The following ZNF527 variants were observed in gnomAD, a reference collection of about 807,000 sequenced individuals.
ZNF527 encodes zinc finger protein 527.
In ZNF527, 5 loss-of-function variants were observed where a neutral mutation model predicts 13.5. That is an observed-to-expected ratio of 0.37 (90% CI 0.19 to 0.78). ZNF527 has a LOEUF of 0.78. ZNF527 is among the 30% of genes least tolerant of loss of function. The pLI is 0.48. For synonymous variants in ZNF527, 209 were observed against 243.1 expected, an observed-to-expected ratio of 0.86 and a Z score of 1.30; for missense variants, 628 against 726.4, an observed-to-expected ratio of 0.86 and a Z score of 1.56.
intron 2 of ZNF527, among the ~76,000 whole-genome samples, chr19:37,375,470 TC>T (rs1227344845): frequency 6.6e-6 from 1 of 151,390 alleles, no homozygotes; most frequent in Non-Finnish European, 1.5e-5. Flanking sequence ...CAAGCGATTC[TC>T]CTGCCTCAGC....
In ZNF527 at chr19:37,389,410, G is replaced by C. The variant is rs759632113; in HGVS notation, c.1361G>C (p.Arg454Pro). The change falls in exon 5 of 5, where the codon CGC becomes CCC. Residue 454 changes from arginine (R) to proline (P), a missense_variant. By Grantham distance (103) the Arg-to-Pro change is moderately radical. Around this residue, in one of 3 missense-constraint regions of ZNF527, gnomAD observed 592 missense variants for 678.0 expected, o/e 0.87. Coordinates refer to ENST00000436120, the MANE Select transcript of ZNF527 (RefSeq NM_032453.2). ...CSECGKTFGY[R>P]SHLNQHQRIH... Reference sequence around the variant, plus strand: ...GAATGTGGGAAGACCTTTGGCTATCGCTCACACCTGAATCAACATCAGAGA... The same window carrying C: ...GAATGTGGGAAGACCTTTGGCTATCCCTCACACCTGAATCAACATCAGAGA... The C allele has an allele frequency of 1.9e-6, 3 of 1,613,656 alleles. No homozygotes were observed. The Admixed American group carries it at 5.0e-5, about 27-fold the overall frequency.
intron 4 of ZNF527, among the ~76,000 whole-genome samples, chr19:37,382,785 C>A (rs1192287885): frequency 6.6e-6 from 1 of 152,132 alleles, no homozygotes; most frequent in Admixed American, 6.6e-5. Context: ...CGGCTCACTG[C>A]AAGCTCCGCC....
At chr19:37,374,715 G>A (rs1056810737) in intron 2 of ZNF527, among the ~76,000 whole-genome samples, 8 of 152,214 alleles carry the variant, frequency 5.3e-5, no homozygotes, top group African/African-American at 1.9e-4. Context: ...TGAGCACTGT[G>A]ATGTCAGAGG....
intron 4 of ZNF527, among the ~76,000 whole-genome samples, chr19:37,386,086 A>G (rs1340858151): frequency 2.0e-5 from 3 of 147,208 alleles, no homozygotes. Context: ...TTGTTGTATT[A>G]ATGTGGATCT....
chr19:37,382,890 A>G (rs1196635113), intron 4 of ZNF527, among the ~76,000 whole-genome samples: 1 of 152,064 alleles, frequency 6.6e-6, no homozygotes, highest in African/African-American at 2.4e-5. Context: ...TATTTTTAGT[A>G]GAGACAGGGT....
At position 37,389,198 on chromosome 19, in the gene ZNF527, G is replaced by T. The variant is rs1380996410; in HGVS notation, c.1149G>T (p.Glu383Asp). ...AACATCAGAGAATTCACACAGGTGA[G>T]AAACCATATGAATGTAAAGAATGTA... ...LVEHQRIHTG[E>D]KPYECKECNK... The change falls in exon 5 of 5, where the codon GAG becomes GAT. Residue 383 changes from glutamate (E) to aspartate (D), a missense_variant. Glu to Asp is a conservative substitution (Grantham distance 45). Coordinates refer to ENST00000436120, the MANE Select transcript of ZNF527 (RefSeq NM_032453.2). 6.2e-7 allele frequency: 1 copy of T among 1,614,148 alleles called. No individual in the cohort carries two copies.
intron 4 of ZNF527, chr19:37,384,797 A>T: frequency 1.8e-6 from 1 of 570,694 alleles, no homozygotes; most frequent in Non-Finnish European, 3.2e-6. Context: ...CCAGGAATGC[A>T]TTGTCTATAA....
In ZNF527 at chr19:37,392,323, A is replaced by G. The variant is rs185754930; in HGVS notation, c.*2444A>G. 6.6e-6 allele frequency: 1 copy of G among 152,322 alleles called. No homozygotes were observed. Among genetic ancestry groups the G allele is most frequent in the East Asian group, 1.9e-4 (1 of 5,194 alleles). 9.4% of individuals were successfully genotyped at this position (152,322 alleles called of 1,614,324 possible). On this transcript the variant is annotated 3_prime_UTR_variant, in exon 5 of 5. Transcript: ENST00000436120. ...TCAGAAGGTTACAGTAAACTTTACC[A>G]AACTTGAAGAAGAATGACTCAGATC...
chr19:37,380,979 A>T (rs1041309214), intron 4 of ZNF527, among the ~76,000 whole-genome samples: 5 of 152,070 alleles, frequency 3.3e-5, no homozygotes, highest in African/African-American at 1.2e-4. Flanking sequence ...GAAAATAAGG[A>T]GTTAGCACTT....
chr19:37,381,064 T>C (rs910205326), intron 4 of ZNF527, among the ~76,000 whole-genome samples: 1 of 152,196 alleles, frequency 6.6e-6, no homozygotes, highest in Admixed American at 6.5e-5. Flanking sequence ...ATCAATGTCA[T>C]CATTTTGATT....
intron 2 of ZNF527, among the ~76,000 whole-genome samples, chr19:37,375,614 C>T (rs959745337): frequency 2.6e-5 from 4 of 151,966 alleles, no homozygotes; most frequent in African/African-American, 7.3e-5. Context: ...CTGCCTCGGC[C>T]TCCCAAAGTG....
At position 37,389,706 on chromosome 19, in the gene ZNF527, C is replaced by T; in HGVS notation, c.1657C>T (p.Pro553Ser). The T allele has an allele frequency of 1.2e-6, 2 of 1,614,022 alleles. No individual in the cohort carries two copies. The highest frequency in any genetic ancestry group is 8.5e-7 in the Non-Finnish European group (1 of 1,180,022). The change falls in exon 5 of 5, where the codon CCC becomes TCC. Residue 553 changes from proline (P) to serine (S), a missense_variant. This residue lies in a region of ZNF527 where 592 missense variants were observed against 678.0 expected (regional missense o/e 0.87). Coordinates refer to ENST00000436120, the MANE Select transcript of ZNF527 (RefSeq NM_032453.2). ...QHQRIHTGEK[P>S]YECSECGKAF... ...TCAAAGAATTCATACTGGAGAGAAA[C>T]CCTATGAATGTAGTGAATGTGGGAA...
At chr19:37,375,655 G>A (rs1400703136) in intron 2 of ZNF527, among the ~76,000 whole-genome samples, 2 of 151,840 alleles carry the variant, frequency 1.3e-5, no homozygotes, top group African/African-American at 2.4e-5. Context: ...CAGTGTGCCC[G>A]GCTGTCCTTA....
In ZNF527 at chr19:37,388,757, T is replaced by C; in HGVS notation, c.708T>C (p.Asp236=). 6.2e-7 allele frequency: 1 copy of C among 1,612,894 alleles called. No homozygotes were observed. The highest frequency in any genetic ancestry group is 1.3e-5 in the African/African-American group (1 of 74,950). The change falls in exon 5 of 5, where the codon GAT becomes GAC. Residue 236 remains aspartate (D), a synonymous_variant. Transcript: ENST00000436120. ...EFNQSTYLSK[D]IGIPPGEKPY... ...ACCAGAGTACGTACCTTAGTAAAGA[T>C]ATAGGAATTCCTCCTGGGGAGAAAC...
intron 4 of ZNF527, 101 bp from the exon 5 acceptor site, chr19:37,388,205 C>T: frequency 7.3e-7 from 1 of 1,373,530 alleles, no homozygotes; most frequent in Non-Finnish European, 9.9e-7. Flanking sequence ...AGACTTTCTA[C>T]CCTCCTTCCC....
intron 2 of ZNF527, among the ~76,000 whole-genome samples, chr19:37,375,332 T>TTTC (rs1464556208): frequency 2.0e-5 from 3 of 146,514 alleles, no homozygotes; most frequent in Non-Finnish European, 4.5e-5. Context: ...TCTTTCTTTC[T>TTTC]TTCTTTCCTT....
At chr19:37,380,505 C>T in intron 4 of ZNF527, 133 bp downstream of exon 4, 1 of 614,352 alleles carries the variant, frequency 1.6e-6, no homozygotes, top group Non-Finnish European at 2.7e-6. Flanking sequence ...AGAAACCTCA[C>T]CACACCCTGG....
At position 37,380,284 on chromosome 19, in the gene ZNF527, C is replaced by T; in HGVS notation, c.168C>T (p.Ser56=). ...TTCTTCCCCTGTGAACAGGACTCTC[C>T]ATTTCTAAGCCCAACATGATCTCCT... ...NYRNLVWLGL[S]ISKPNMISLL... The change falls in exon 4 of 5, where the codon TCC becomes TCT. Residue 56 remains serine (S), a synonymous_variant. Transcript: ENST00000436120. The T allele has an allele frequency of 6.2e-7, 1 of 1,613,962 alleles. No homozygotes were observed. Among genetic ancestry groups the T allele is most frequent in the South Asian group, 1.1e-5 (1 of 91,080 alleles).
rs2040580955 is a variant in ZNF527, at chr19:37,374,173, C to T, written c.-26C>T. ...CCCTTCTCAGGACTTTGTTCTTCTT[C>T]AGAAGAGAAAACTGAAGAAGGAGGA... On this transcript the variant is annotated 5_prime_UTR_variant, in exon 2 of 5. The change creates a premature stop within an existing upstream ORF in the 5' untranslated region. Coordinates refer to ENST00000436120, the MANE Select transcript of ZNF527 (RefSeq NM_032453.2). The T allele has an allele frequency of 1.2e-6, 2 of 1,612,390 alleles. No individual in the cohort carries two copies. Among genetic ancestry groups the T allele is most frequent in the Admixed American group, 1.7e-5 (1 of 59,958 alleles).
Sources: allele counts gnomAD v4.1 joint callset (sites outside exome capture counted in the v4.1 genomes callset), GRCh38; gene constraint gnomAD v4.1.1; regional missense constraint gnomAD v4.1.1; transcripts MANE v1.5; gene names NCBI Gene and HGNC (gene_info 2026-07-23, HGNC 2026-07-21).